ST6GALNAC3: variants seen among roughly 807,000 people sequenced by gnomAD.
ST6GALNAC3 encodes alpha-N-acetylgalactosaminide alpha-2,6-sialyltransferase 3.
ST6GALNAC3 carries 25 observed loss-of-function variants against 32.7 expected under a neutral mutation model. The observed-to-expected ratio is 0.76, with a 90% CI of 0.56 to 1.07. The LOEUF is 1.07. ST6GALNAC3 is among the 50% of genes least tolerant of loss of function. The pLI, the probability that ST6GALNAC3 is intolerant of heterozygous loss-of-function variation, is 0.00. For missense variants in ST6GALNAC3, 355 were observed against 382.4 expected (o/e 0.93, Z 0.60); for synonymous variants, 129 against 133.1 (o/e 0.97, Z 0.21).
chr1:76,350,459 CAGTT>C (rs1156573455), intron 2 of ST6GALNAC3, among the ~76,000 whole-genome samples: 3 of 152,208 alleles, frequency 2.0e-5, no homozygotes, highest in South Asian at 4.1e-4. Context: ...TAACTACTGA[CAGTT>C]AATAATATTA....
intron 2 of ST6GALNAC3, among the ~76,000 whole-genome samples, chr1:76,322,760 C>A (rs371991812): frequency 8.6e-5 from 13 of 151,874 alleles, no homozygotes; most frequent in Non-Finnish European, 1.6e-4. Flanking sequence ...CCCACCCCCC[C>A]ACAAGTTTGG....
At chr1:76,614,587 C>T (rs1465235382) in intron 3 of ST6GALNAC3, among the ~76,000 whole-genome samples, 1 of 151,706 alleles carries the variant, frequency 6.6e-6, no homozygotes, top group East Asian at 1.9e-4. Flanking sequence ...GGCGTGGTGG[C>T]GGGCGCCTGT....
intron 3 of ST6GALNAC3, among the ~76,000 whole-genome samples, chr1:76,570,513 C>A (rs1033359714): frequency 6.6e-6 from 1 of 152,028 alleles, no homozygotes; most frequent in Non-Finnish European, 1.5e-5. Flanking sequence ...CTCTTCTATA[C>A]TTCATAGGAA....
intron 1 of ST6GALNAC3, among the ~76,000 whole-genome samples, chr1:76,231,536 T>C (rs563000898): frequency 2.6e-5 from 4 of 152,212 alleles, no homozygotes; most frequent in Non-Finnish European, 5.9e-5. Context: ...CATTTTACTT[T>C]CTGTTTCTGT....
intron 3 of ST6GALNAC3, among the ~76,000 whole-genome samples, chr1:76,528,488 G>A (rs561471439): frequency 6.6e-6 from 1 of 152,132 alleles, no homozygotes; most frequent in Non-Finnish European, 1.5e-5. Flanking sequence ...GAGATAGAAG[G>A]ATAAGCTAAT....
intron 2 of ST6GALNAC3, among the ~76,000 whole-genome samples, chr1:76,320,216 A>G (rs540252420): frequency 1.3e-5 from 2 of 152,262 alleles, no homozygotes; most frequent in Admixed American, 1.3e-4. Context: ...CAGAATATGT[A>G]TTGTGCATTT....
intron 1 of ST6GALNAC3, among the ~76,000 whole-genome samples, chr1:76,201,379 A>C (rs1050222054): frequency 2.0e-5 from 3 of 152,200 alleles, no homozygotes; most frequent in Admixed American, 2.0e-4. Context: ...ACTCACTATC[A>C]ATGAGAACAG....
intron 3 of ST6GALNAC3, among the ~76,000 whole-genome samples, chr1:76,504,756 A>G (rs1661372412): frequency 6.6e-6 from 1 of 152,150 alleles, no homozygotes; most frequent in Non-Finnish European, 1.5e-5. Flanking sequence ...ATATTGTAAG[A>G]TTTATATGAT....
At chr1:76,493,865 T>G (rs1660647001) in intron 3 of ST6GALNAC3, among the ~76,000 whole-genome samples, 1 of 152,152 alleles carries the variant, frequency 6.6e-6, no homozygotes, top group Non-Finnish European at 1.5e-5. Context: ...TCTGAAAATG[T>G]TCCTGTGTGT....
At chr1:76,353,260 C>A (rs970055914) in intron 2 of ST6GALNAC3, among the ~76,000 whole-genome samples, 1 of 152,160 alleles carries the variant, frequency 6.6e-6, no homozygotes, top group African/African-American at 2.4e-5. Context: ...TGTTTCCTCT[C>A]CCTGTACGTT....
intron 3 of ST6GALNAC3, among the ~76,000 whole-genome samples, chr1:76,427,451 A>G (rs1295494801): frequency 6.6e-6 from 1 of 152,024 alleles, no homozygotes; most frequent in Non-Finnish European, 1.5e-5. Context: ...TGTGTCTTAC[A>G]CATTCCTATG....
At chr1:76,303,953 C>A (rs1660880270) in intron 1 of ST6GALNAC3, among the ~76,000 whole-genome samples, 1 of 151,784 alleles carries the variant, frequency 6.6e-6, no homozygotes, top group Non-Finnish European at 1.5e-5. Context: ...CACACCCTAA[C>A]CCTCTCCCTC....
intron 1 of ST6GALNAC3, among the ~76,000 whole-genome samples, chr1:76,192,723 A>G (rs1216372081): frequency 6.6e-6 from 1 of 152,140 alleles, no homozygotes; most frequent in Non-Finnish European, 1.5e-5. Flanking sequence ...AAAGCTTTTC[A>G]TGGCTTCTGC....
At chr1:76,118,631 G>T (rs1250869523) in intron 1 of ST6GALNAC3, among the ~76,000 whole-genome samples, 2 of 152,154 alleles carry the variant, frequency 1.3e-5, no homozygotes, top group African/African-American at 4.8e-5. Flanking sequence ...GCATCAATAT[G>T]TATAAAGAGA....
chr1:76,179,263 T>C (rs1242907663), intron 1 of ST6GALNAC3, among the ~76,000 whole-genome samples: 1 of 152,218 alleles, frequency 6.6e-6, no homozygotes, highest in East Asian at 1.9e-4. Context: ...TTAAATCTGA[T>C]AGATTTTTTT....
intron 3 of ST6GALNAC3, among the ~76,000 whole-genome samples, chr1:76,480,175 A>G (rs1372086525): frequency 3.3e-5 from 5 of 152,220 alleles, no homozygotes; most frequent in Non-Finnish European, 2.9e-5. Flanking sequence ...GCTTTTTATT[A>G]TAGTGCAAAT....
intron 3 of ST6GALNAC3, among the ~76,000 whole-genome samples, chr1:76,497,390 G>A (rs1219826305): frequency 6.6e-6 from 1 of 152,146 alleles, no homozygotes; most frequent in African/African-American, 2.4e-5. Context: ...AAGAGCCATA[G>A]CAAAGTCCAG....
chr1:76,456,415 C>T (rs1366230886), intron 3 of ST6GALNAC3, among the ~76,000 whole-genome samples: 4 of 152,056 alleles, frequency 2.6e-5, no homozygotes, highest in East Asian at 1.9e-4. Flanking sequence ...GGTGCAATCT[C>T]GGCTCATTGT....
chr1:76,513,593 G>A (rs1662002938), intron 3 of ST6GALNAC3, among the ~76,000 whole-genome samples: 1 of 152,000 alleles, frequency 6.6e-6, no homozygotes, highest in Non-Finnish European at 1.5e-5. Flanking sequence ...TTTTTGTTCA[G>A]GATTGCTTTA....
Sources: gnomAD v4.1 joint callset for allele counts (sites outside exome capture counted in the v4.1 genomes callset) on GRCh38, gnomAD v4.1.1 for gene constraint, MANE v1.5 for transcripts, NCBI Gene and HGNC (gene_info 2026-07-23, HGNC 2026-07-21) for gene names.